Variants in THSD7B observed in about 807,000 individuals in gnomAD.
The protein encoded by THSD7B is thrombospondin type 1 domain containing 7B.
Under a neutral mutation model 213.6 loss-of-function variants are expected in THSD7B, and 138 were observed. The observed-to-expected ratio is 0.65, with a 90% CI of 0.56 to 0.74. THSD7B has a LOEUF of 0.74. THSD7B is among the 30% of genes least tolerant of loss of function. THSD7B has a pLI of 0.00. For synonymous variants in THSD7B, 742 were observed against 687.0 expected (o/e 1.08, Z -1.25); for missense variants, 1,931 against 1,991.5 (o/e 0.97, Z 0.58).
intron 2 of THSD7B, among the ~76,000 whole-genome samples, chr2:137,001,157 G>A (rs1464535324): frequency 6.6e-6 from 1 of 151,826 alleles, no homozygotes; most frequent in African/African-American, 2.4e-5. Flanking sequence ...TAGATTCATT[G>A]GGATCATCCT....
intron 3 of THSD7B, among the ~76,000 whole-genome samples, chr2:137,091,929 C>A (rs1375234212): frequency 6.6e-6 from 1 of 151,974 alleles, no homozygotes; most frequent in Non-Finnish European, 1.5e-5. Context: ...GAGGTTGTCC[C>A]CTCCCCCAGC....
At chr2:137,284,199 A>T (rs1277742151) in intron 12 of THSD7B, among the ~76,000 whole-genome samples, 1 of 152,156 alleles carries the variant, frequency 6.6e-6, no homozygotes, top group East Asian at 1.9e-4. Flanking sequence ...AGGTGTTTGT[A>T]GTATTCTCTG....
chr2:137,130,880 T>A (rs1056785123), intron 5 of THSD7B, among the ~76,000 whole-genome samples: 7 of 149,584 alleles, frequency 4.7e-5, no homozygotes, highest in African/African-American at 1.5e-4. Flanking sequence ...TTATAGTCCT[T>A]TGGGTATATA....
At chr2:136,783,342 A>T (rs890519212) in intron 1 of THSD7B, among the ~76,000 whole-genome samples, 2 of 152,174 alleles carry the variant, frequency 1.3e-5, no homozygotes, top group African/African-American at 4.8e-5. Context: ...TGGTTCTCAT[A>T]TCAGGCAGAA....
intron 1 of THSD7B, among the ~76,000 whole-genome samples, chr2:136,791,754 C>A (rs1416093047): frequency 6.6e-6 from 1 of 152,014 alleles, no homozygotes; most frequent in Admixed American, 6.6e-5. Flanking sequence ...TACTAATATT[C>A]CATTGTATGG....
At chr2:137,258,185 AT>A (rs2105079669) in intron 10 of THSD7B, among the ~76,000 whole-genome samples, 1 of 152,260 alleles carries the variant, frequency 6.6e-6, no homozygotes, top group South Asian at 2.1e-4. Context: ...ATGTAGTTGA[AT>A]TTATCCAACT....
chr2:137,035,539 G>C (rs1686759264), intron 2 of THSD7B, among the ~76,000 whole-genome samples: 1 of 151,776 alleles, frequency 6.6e-6, no homozygotes, highest in Non-Finnish European at 1.5e-5. Context: ...GAGTGGAAAG[G>C]GATAGTGTTT....
rs1686105019 is a variant in THSD7B, at chr2:137,393,813, C to A, written c.2501-11800C>A. ...GTGTTCCCATTTCTCCACATCCTCTCCAGCACCTGTTGTTTCCTGACTTTT... is the reference window on the plus strand; with the variant it reads ...GTGTTCCCATTTCTCCACATCCTCTACAGCACCTGTTGTTTCCTGACTTTT... On this transcript the variant is annotated intron_variant, in intron 12 of 27. Coordinates refer to ENST00000409968, the MANE Select transcript of THSD7B (RefSeq NM_001316349.2). Among the ~76,000 whole-genome samples, 2 of 141,634 alleles carry A rather than the reference C, an allele frequency of 1.4e-5. 1 individual carries two copies. Among genetic ancestry groups the A allele is most frequent in the Admixed American group, 1.4e-4 (2 of 14,408 alleles). The allele number at this position is 141,634 out of a possible 152,430, so 92.9% of individuals were successfully genotyped here.
At chr2:137,544,687 A>G (rs193088351) in intron 15 of THSD7B, among the ~76,000 whole-genome samples, 1 of 151,594 alleles carries the variant, frequency 6.6e-6, no homozygotes, top group African/African-American at 2.4e-5. Flanking sequence ...ACTCTCTTTT[A>G]TTTTTATTTT....
At chr2:136,910,629 G>T (rs543763470) in intron 2 of THSD7B, among the ~76,000 whole-genome samples, 1 of 152,110 alleles carries the variant, frequency 6.6e-6, no homozygotes, top group Non-Finnish European at 1.5e-5. Context: ...ACGTGGAGAA[G>T]AATCAAAGTG....
intron 15 of THSD7B, among the ~76,000 whole-genome samples, chr2:137,507,444 A>G (rs1679861426): frequency 6.6e-6 from 1 of 152,168 alleles, no homozygotes; most frequent in African/African-American, 2.4e-5. Context: ...TGATGGAATA[A>G]GCTTAGTCAG....
At chr2:137,176,977 A>G (rs140899389) in intron 7 of THSD7B, among the ~76,000 whole-genome samples, 3 of 152,326 alleles carry the variant, frequency 2.0e-5, no homozygotes, top group African/African-American at 7.2e-5. Flanking sequence ...TAAGACAAAG[A>G]TACTTGGAAA....
At chr2:137,349,171 T>G (rs1465969827) in intron 12 of THSD7B, among the ~76,000 whole-genome samples, 1 of 151,656 alleles carries the variant, frequency 6.6e-6, no homozygotes, top group Admixed American at 6.6e-5. Context: ...TGCAGAATCA[T>G]CCGTTCAAGT....
At chr2:137,320,374 C>A (rs561179585) in intron 12 of THSD7B, among the ~76,000 whole-genome samples, 2 of 152,164 alleles carry the variant, frequency 1.3e-5, no homozygotes, top group African/African-American at 4.8e-5. Context: ...AACAGTTTGC[C>A]CTGTTTCTCT....
rs369373018 is a variant in THSD7B, at chr2:137,232,821, A to G, written c.1916-78A>G. The G allele has an allele frequency of 6.7e-6, 9 of 1,346,270 alleles. No homozygotes were observed. The East Asian group carries it at 7.2e-5, about 11-fold the overall frequency. The allele number at this position is 1,346,270 out of a possible 1,614,324, so 83.4% of individuals were successfully genotyped here. Reference sequence around the variant, plus strand: ...GCTGTGTCAGCAAAGCTGTCTCTCTAGACCATTAAAGCAGCAGAAACAACA... The same window carrying G: ...GCTGTGTCAGCAAAGCTGTCTCTCTGGACCATTAAAGCAGCAGAAACAACA... On this transcript the variant is annotated intron_variant, in intron 8 of 27. Coordinates refer to ENST00000409968, the MANE Select transcript of THSD7B (RefSeq NM_001316349.2).
intron 12 of THSD7B, among the ~76,000 whole-genome samples, chr2:137,351,217 T>A (rs574005842): frequency 6.6e-6 from 1 of 151,928 alleles, no homozygotes; most frequent in African/African-American, 2.4e-5. Context: ...ATGGTATGAG[T>A]CTTAGATGCT....
At chr2:136,926,794 G>A (rs1168560842) in intron 2 of THSD7B, among the ~76,000 whole-genome samples, 1 of 152,054 alleles carries the variant, frequency 6.6e-6, no homozygotes, top group Non-Finnish European at 1.5e-5. Context: ...AATTGCTGTG[G>A]AATCTTCTCA....
At chr2:136,790,805 T>G (rs1681952997) in intron 1 of THSD7B, among the ~76,000 whole-genome samples, 1 of 152,006 alleles carries the variant, frequency 6.6e-6, no homozygotes, top group Non-Finnish European at 1.5e-5. Context: ...CGCTACAAAC[T>G]GTGTATTACC....
At chr2:137,194,146 A>G (rs1304272730) in intron 7 of THSD7B, among the ~76,000 whole-genome samples, 1 of 152,224 alleles carries the variant, frequency 6.6e-6, no homozygotes, top group Non-Finnish European at 1.5e-5. Flanking sequence ...TAACTGGAAC[A>G]TGGAGAAAAC....
Sources: gnomAD v4.1 joint callset for allele counts (sites outside exome capture counted in the v4.1 genomes callset) on GRCh38, gnomAD v4.1.1 for gene constraint, MANE v1.5 for transcripts, NCBI Gene and HGNC (gene_info 2026-07-23, HGNC 2026-07-21) for gene names.